NRP2: variants seen among roughly 807,000 people sequenced by gnomAD.
NRP2 encodes the protein neuropilin-2.
Under a neutral mutation model 110.4 loss-of-function variants are expected in NRP2, and 52 were observed. The observed-to-expected ratio is 0.47, with a 90% CI of 0.38 to 0.59. The LOEUF (loss-of-function observed/expected upper bound fraction) is 0.59, where lower values mean the gene tolerates loss of function less well. Ranked by LOEUF, NRP2 falls within the 20% of genes least tolerant of loss-of-function variation. The pLI, the probability that NRP2 is intolerant of heterozygous loss-of-function variation, is 0.00. For missense variants in NRP2, 1,049 were observed against 1,203.0 expected, an observed-to-expected ratio of 0.87 and a Z score of 1.89; for synonymous variants, 508 against 468.9, an observed-to-expected ratio of 1.08 and a Z score of -1.08.
chr2:205,776,865 C>T (rs1005348589), intron 15 of NRP2: 35 of 1,238,182 alleles, frequency 2.8e-5, no homozygotes, highest in East Asian at 4.7e-5. Flanking sequence ...TTCCCCTTGC[C>T]TTATCCCATA....
intron 1 of NRP2, among the ~76,000 whole-genome samples, chr2:205,684,011 A>G (rs983860287): frequency 6.6e-6 from 1 of 152,274 alleles, no homozygotes; most frequent in South Asian, 2.1e-4. Context: ...GGGAAAGTAA[A>G]TCGTACGTTC....
intron 15 of NRP2, chr2:205,767,515 C>G: frequency 4.3e-6 from 2 of 462,764 alleles, no homozygotes; most frequent in Non-Finnish European, 4.3e-6. Context: ...TGTTCTCCCC[C>G]GAGAAAGCAG....
intron 10 of NRP2, among the ~76,000 whole-genome samples, chr2:205,748,279 T>G (rs1575622117): frequency 1.3e-5 from 2 of 152,234 alleles, no homozygotes; most frequent in African/African-American, 4.8e-5. Flanking sequence ...TCTTCATCCC[T>G]ATCCCAAAGG....
intron 15 of NRP2, among the ~76,000 whole-genome samples, chr2:205,781,925 A>T (rs544514629): frequency 3.9e-5 from 6 of 152,264 alleles, no homozygotes; most frequent in African/African-American, 1.4e-4. Context: ...GGTCAGATAC[A>T]ATCAGAAACC....
rs2057670955 is a variant in NRP2, at chr2:205,752,827, C to G, written c.1904-8C>G. 2 of 1,613,958 alleles carry G rather than the reference C, an allele frequency of 1.2e-6. No homozygotes were observed. The highest frequency in any genetic ancestry group is 1.7e-5 in the Admixed American group (1 of 59,998). ...GCCTTCCTTTGGGTTATTGTTTTCCCCTTTTAGACAAAGATTTGCAGCTCC... is the reference window on the plus strand; with the variant it reads ...GCCTTCCTTTGGGTTATTGTTTTCCGCTTTTAGACAAAGATTTGCAGCTCC... On this transcript the variant is annotated splice_region_variant and splice_polypyrimidine_tract_variant and intron_variant, in intron 11 of 16. Coordinates refer to ENST00000357785, the MANE Select transcript of NRP2 (RefSeq NM_003872.3).
intron 15 of NRP2, among the ~76,000 whole-genome samples, chr2:205,787,871 G>C (rs1276909550): frequency 6.6e-6 from 1 of 152,086 alleles, no homozygotes; most frequent in African/African-American, 2.4e-5. Context: ...TGTCTTGGGG[G>C]TGTTTCCCCT....
At chr2:205,696,869 G>A (rs921869641) in intron 1 of NRP2, among the ~76,000 whole-genome samples, 1 of 152,070 alleles carries the variant, frequency 6.6e-6, no homozygotes, top group African/African-American at 2.4e-5. Context: ...TTTTCCATTC[G>A]GTGTATAATG....
intron 15 of NRP2, among the ~76,000 whole-genome samples, chr2:205,775,047 A>G (rs2058077363): frequency 6.6e-6 from 1 of 152,170 alleles, no homozygotes; most frequent in Admixed American, 6.5e-5. Context: ...AGCCCGCAGC[A>G]CTTCCCACCC....
intron 3 of NRP2, among the ~76,000 whole-genome samples, chr2:205,720,840 G>A (rs1250467802): frequency 2.6e-5 from 4 of 152,132 alleles, no homozygotes; most frequent in South Asian, 4.1e-4. Flanking sequence ...TTGAAAACTC[G>A]GCCTGACCTG....
chr2:205,719,473 CA>C (rs57461603), intron 3 of NRP2, among the ~76,000 whole-genome samples: 2,614 of 93,074 alleles, frequency 0.028, 48 homozygotes, highest in East Asian at 0.093. Flanking sequence ...AGAACAGAAA[CA>C]AAAAAAAAAA....
At chr2:205,716,066 C>A in intron 2 of NRP2, 127 bp from the exon 3 acceptor site, 1 of 989,068 alleles carries the variant, frequency 1.0e-6, no homozygotes, top group South Asian at 1.3e-5. Flanking sequence ...ACATAAGTGC[C>A]CTTCGCTTAT....
intron 1 of NRP2, among the ~76,000 whole-genome samples, chr2:205,692,220 C>G (rs2056329008): frequency 6.6e-6 from 1 of 152,174 alleles, no homozygotes. Context: ...CATTCACTGC[C>G]ACCAGTCTCC....
intron 10 of NRP2, among the ~76,000 whole-genome samples, chr2:205,749,302 G>A (rs989370510): frequency 2.0e-5 from 3 of 152,132 alleles, no homozygotes; most frequent in African/African-American, 7.2e-5. Context: ...TAAAGACATA[G>A]CCCCAAATCA....
At chr2:205,734,409 AC>A (rs2057304832) in intron 7 of NRP2, among the ~76,000 whole-genome samples, 1 of 41,094 alleles carries the variant, frequency 2.4e-5, no homozygotes, top group African/African-American at 8.9e-5. Flanking sequence ...GCCCCCCCCC[AC>A]CCCGCATCGC....
intron 3 of NRP2, among the ~76,000 whole-genome samples, chr2:205,716,962 C>CA (rs1254822760): frequency 6.6e-6 from 1 of 152,162 alleles, no homozygotes; most frequent in East Asian, 1.9e-4. Flanking sequence ...GAAAAGCAAT[C>CA]AAAAAATAGC....
At chr2:205,730,159 C>T (rs1036537277) in intron 7 of NRP2, among the ~76,000 whole-genome samples, 2 of 152,248 alleles carry the variant, frequency 1.3e-5, no homozygotes, top group African/African-American at 4.8e-5. Flanking sequence ...AGGGGCTTTC[C>T]TTGTCTCCCC....
At chr2:205,691,088 G>A (rs1379146963) in intron 1 of NRP2, among the ~76,000 whole-genome samples, 4 of 152,120 alleles carry the variant, frequency 2.6e-5, no homozygotes, top group Non-Finnish European at 4.4e-5. Flanking sequence ...TTCTTAATTG[G>A]TTAATTCACC....
At chr2:205,695,967 G>A (rs2056415829) in intron 1 of NRP2, among the ~76,000 whole-genome samples, 1 of 152,188 alleles carries the variant, frequency 6.6e-6, no homozygotes, top group Admixed American at 6.5e-5. Flanking sequence ...GGTGGGTGCA[G>A]GGTCATTAGG....
chr2:205,755,962 T>C (rs1169682405), intron 12 of NRP2, among the ~76,000 whole-genome samples: 1 of 152,166 alleles, frequency 6.6e-6, no homozygotes, highest in Admixed American at 6.5e-5. Context: ...GGAAACTGCT[T>C]ACATTCCTCG....
Sources: gnomAD v4.1 joint callset for allele counts (sites outside exome capture counted in the v4.1 genomes callset) on GRCh38, gnomAD v4.1.1 for gene constraint, MANE v1.5 for transcripts, NCBI Gene and HGNC (gene_info 2026-07-23, HGNC 2026-07-21) for gene names.